Variants in FSTL5 observed in about 807,000 individuals in gnomAD.
FSTL5 encodes follistatin-related protein 5.
In FSTL5, 62 loss-of-function variants were observed where a neutral mutation model predicts 89.1. That is an observed-to-expected ratio of 0.70 (90% confidence interval 0.57 to 0.86). The LOEUF (loss-of-function observed/expected upper bound fraction) is 0.86. FSTL5 is among the 40% of genes least tolerant of loss of function. The probability of loss-of-function intolerance (pLI) is 0.00; values close to 1 mark genes in which losing one functional copy is unlikely to be tolerated. For synonymous variants in FSTL5, 383 were observed against 346.2 expected, an observed-to-expected ratio of 1.11 and a Z score of -1.18; for missense variants, 1,057 against 1,001.6, an observed-to-expected ratio of 1.06 and a Z score of -0.75.
At position 162,043,491 on chromosome 4, in the gene FSTL5, G is replaced by T. The variant is rs190104631; in HGVS notation, c.127-9833C>A. Reference sequence around the variant, plus strand: ...CTTCAGTGAGTCACAAGTTTTTGCTGTTGGAAGGTCTTGCTTCAGTGTTGA... The same window carrying T: ...CTTCAGTGAGTCACAAGTTTTTGCTTTTGGAAGGTCTTGCTTCAGTGTTGA... On this transcript the variant is annotated intron_variant, in intron 2 of 15. Transcript: ENST00000306100. 7.4e-4 allele frequency among the ~76,000 whole-genome samples: 112 copies of T among 152,264 alleles called. 1 individual carries two copies. The highest frequency in any genetic ancestry group is 2.6e-3 in the African/African-American group (110 of 41,564).
chr4:161,632,729 G>A (rs1392194868), intron 7 of FSTL5, among the ~76,000 whole-genome samples: 2 of 152,098 alleles, frequency 1.3e-5, no homozygotes, highest in Non-Finnish European at 2.9e-5. Context: ...TATGAAATAT[G>A]TATTGGAGTT....
chr4:161,929,161 C>T (rs1467544316), intron 3 of FSTL5, among the ~76,000 whole-genome samples: 1 of 150,858 alleles, frequency 6.6e-6, no homozygotes, highest in Non-Finnish European at 1.5e-5. Flanking sequence ...TCTTTCCTTT[C>T]TTTCTCTTTT....
chr4:161,554,159 G>C (rs1206804805), intron 8 of FSTL5, among the ~76,000 whole-genome samples: 1 of 151,232 alleles, frequency 6.6e-6, no homozygotes, highest in Non-Finnish European at 1.5e-5. Flanking sequence ...TTTCTTTCTG[G>C]AAACTTTGGT....
In FSTL5 at chr4:161,475,462, C is replaced by T. The variant is rs74702282; in HGVS notation, c.1608+5558G>A. Among the ~76,000 whole-genome samples the T allele has an allele frequency of 8.4e-3, 1,281 of 152,188 alleles. 18 individuals are homozygous for T. The highest frequency in any genetic ancestry group is 0.03 in the African/African-American group (1,237 of 41,528). ...TCTTCAGTTGTTTTTCTTTCCAGTC[C>T]TCAGACTCAATAATTCAATTGTCCT... On this transcript the variant is annotated intron_variant, in intron 13 of 15. Transcript: ENST00000306100.
chr4:161,881,127 T>C (rs1732614602), intron 4 of FSTL5, among the ~76,000 whole-genome samples: 1 of 150,942 alleles, frequency 6.6e-6, no homozygotes, highest in African/African-American at 2.4e-5. Flanking sequence ...AAAAATTTGA[T>C]TTGTGAAAGC....
At chr4:161,580,916 T>C (rs1351324268) in intron 8 of FSTL5, among the ~76,000 whole-genome samples, 1 of 152,108 alleles carries the variant, frequency 6.6e-6, no homozygotes, top group African/African-American at 2.4e-5. Flanking sequence ...ATATTCACCA[T>C]AGATGAGGAG....
chr4:161,990,475 A>G (rs1161407485), intron 3 of FSTL5, among the ~76,000 whole-genome samples: 2 of 152,116 alleles, frequency 1.3e-5, no homozygotes, highest in African/African-American at 4.8e-5. Flanking sequence ...CTTTTAGATA[A>G]TATGTCTAAT....
At chr4:161,563,876 G>A (rs1732699783) in intron 8 of FSTL5, among the ~76,000 whole-genome samples, 1 of 151,840 alleles carries the variant, frequency 6.6e-6, no homozygotes, top group South Asian at 2.1e-4. Context: ...TTTCTAAGTA[G>A]TAGCGCCTTA....
In FSTL5 at chr4:161,549,429, C is replaced by A. The variant is rs1732123932; in HGVS notation, c.1016-6736G>T. 1.3e-5 allele frequency among the ~76,000 whole-genome samples: 2 copies of A among 151,500 alleles called. 1 individual carries two copies. Among genetic ancestry groups the A allele is most frequent in the South Asian group, 4.2e-4 (2 of 4,798 alleles). On this transcript the variant is annotated intron_variant, in intron 8 of 15. Transcript: ENST00000306100. ...AGGCTCTTTGAGAGAAGAGGTTTTG[C>A]CTTATTTAATCATTAAATTCCCTGA...
At chr4:162,066,305 C>CTTCTTCTTCTTCTTCTT (rs1553996262) in intron 2 of FSTL5, among the ~76,000 whole-genome samples, 1 of 39,056 alleles carries the variant, frequency 2.6e-5, no homozygotes, top group African/African-American at 1.1e-4. Context: ...TACTTTTCTT[C>CTTCTTCTTCTTCTTCTT]TTCTTCTTCT....
At chr4:162,063,357 T>G (rs1738783347) in intron 2 of FSTL5, among the ~76,000 whole-genome samples, 1 of 151,882 alleles carries the variant, frequency 6.6e-6, no homozygotes, top group Admixed American at 6.6e-5. Flanking sequence ...ATTTGCATAT[T>G]CATTTTCCAC....
chr4:161,682,854 C>A (rs1737571085), intron 6 of FSTL5, among the ~76,000 whole-genome samples: 1 of 152,066 alleles, frequency 6.6e-6, no homozygotes, highest in African/African-American at 2.4e-5. Flanking sequence ...TCAAGCAATT[C>A]TTCTGCCTTA....
intron 1 of FSTL5, 92 bp from the exon 2 acceptor site, chr4:162,111,504 C>T: frequency 2.0e-6 from 2 of 987,288 alleles, no homozygotes; most frequent in South Asian, 4.4e-5. Flanking sequence ...ATATAAATCT[C>T]CATTAATCTA....
chr4:161,582,499 T>C (rs1293535976), intron 8 of FSTL5, among the ~76,000 whole-genome samples: 2 of 152,192 alleles, frequency 1.3e-5, no homozygotes, highest in African/African-American at 4.8e-5. Context: ...CCAAGTTTGT[T>C]ATACTTCTTG....
At chr4:161,632,923 C>A (rs1012887743) in intron 7 of FSTL5, among the ~76,000 whole-genome samples, 2 of 152,030 alleles carry the variant, frequency 1.3e-5, no homozygotes, top group African/African-American at 4.8e-5. Context: ...TCACTATCTA[C>A]CTCGTTTTAT....
intron 4 of FSTL5, among the ~76,000 whole-genome samples, chr4:161,794,556 GC>G: frequency 6.6e-6 from 1 of 152,194 alleles, no homozygotes; most frequent in East Asian, 1.9e-4. Flanking sequence ...CACTTTTAAT[GC>G]CCTGTATACA....
At chr4:162,085,793 A>G (rs889903133) in intron 2 of FSTL5, among the ~76,000 whole-genome samples, 19 of 152,154 alleles carry the variant, frequency 1.2e-4, no homozygotes, top group African/African-American at 4.6e-4. Context: ...CTATACCTAC[A>G]AGGATTCAGT....
intron 1 of FSTL5, among the ~76,000 whole-genome samples, chr4:162,148,620 T>A (rs1230503433): frequency 1.3e-5 from 2 of 152,172 alleles, no homozygotes; most frequent in East Asian, 3.9e-4. Flanking sequence ...ACGATTAGCA[T>A]GTCCACTGTC....
rs561326169 is a variant in FSTL5 at position 161,787,034 on chromosome 4, G to A, written c.410-10960C>T. ...TTATGACCTTGACCAAAGATATTAAGGAAGTAGAAAAGTAGAGGTGAATAA... is the reference window on the plus strand; with the variant it reads ...TTATGACCTTGACCAAAGATATTAAAGAAGTAGAAAAGTAGAGGTGAATAA... On this transcript the variant is annotated intron_variant, in intron 4 of 15. Transcript: ENST00000306100. Among the ~76,000 whole-genome samples the A allele has an allele frequency of 2.3e-4, 35 of 152,166 alleles. No individual in the cohort carries two copies. In the South Asian group the frequency reaches 4.8e-3, roughly 21 times the overall value.
Sources: allele counts gnomAD v4.1 joint callset (sites outside exome capture counted in the v4.1 genomes callset), GRCh38; gene constraint gnomAD v4.1.1; transcripts MANE v1.5; gene names NCBI Gene and HGNC (gene_info 2026-07-23, HGNC 2026-07-21).